USP40: variants seen among roughly 807,000 people sequenced by gnomAD.
USP40 encodes ubiquitin specific peptidase 40, also known as ubiquitin carboxyl-terminal hydrolase 40.
Under a neutral mutation model 166.2 loss-of-function variants are expected in USP40, and 143 were observed. The observed-to-expected ratio is 0.86, with a 90% CI of 0.75 to 0.99. The LOEUF is 0.99. Ranked by LOEUF, USP40 falls within the 50% of genes least tolerant of loss-of-function variation. The pLI is 0.00. For missense variants in USP40, 1,444 were observed against 1,479.7 expected (o/e 0.98, Z 0.40); for synonymous variants, 498 against 524.0 (o/e 0.95, Z 0.68).
chr2:233,527,886 T>C (rs978091669), intron 12 of USP40, among the ~76,000 whole-genome samples: 7 of 152,022 alleles, frequency 4.6e-5, no homozygotes, highest in Non-Finnish European at 8.8e-5. Flanking sequence ...AACAAAATGC[T>C]AGAGACCTGC....
At chr2:233,489,871 C>T (rs904196326) in intron 26 of USP40, 5 of 166,940 alleles carry the variant, frequency 3.0e-5, no homozygotes, top group Middle Eastern at 2.7e-3. Context: ...CTTCCGTGCC[C>T]GCGCAATCCT....
rs765363341 is a variant in USP40, at chr2:233,528,394, C to T, written c.1554-816G>A. On this transcript the variant is annotated intron_variant, in intron 12 of 31. Coordinates refer to ENST00000678225, the MANE Select transcript of USP40 (RefSeq NM_001365479.2). ...CTTCTCTGAATCCACTTGGCTGACT[C>T]GAAGCCAGTGCGAAACACAGGTAGG... Among the ~76,000 whole-genome samples the T allele has an allele frequency of 2.9e-4, 44 of 152,040 alleles. 1 individual carries two copies. The highest frequency in any genetic ancestry group is 1.0e-4 in the Non-Finnish European group (7 of 68,002).
intron 7 of USP40, among the ~76,000 whole-genome samples, chr2:233,549,506 C>T (rs1463220666): frequency 6.6e-6 from 1 of 152,094 alleles, no homozygotes; most frequent in Non-Finnish European, 1.5e-5. Flanking sequence ...TGGCTAAGAT[C>T]ATGTAAGCCA....
chr2:233,498,835 C>T (rs1331525988), intron 22 of USP40, among the ~76,000 whole-genome samples: 1 of 152,144 alleles, frequency 6.6e-6, no homozygotes, highest in African/African-American at 2.4e-5. Context: ...TGGAAAGTTG[C>T]TTCAGTTATC....
intron 18 of USP40, among the ~76,000 whole-genome samples, chr2:233,516,981 T>A (rs902326783): frequency 3.3e-5 from 5 of 152,230 alleles, no homozygotes; most frequent in African/African-American, 1.2e-4. Flanking sequence ...TGTACAGGTC[T>A]TGCACATATT....
intron 30 of USP40, 27 bp from the exon 31 acceptor site, chr2:233,481,324 G>A (rs1158812229): frequency 8.3e-6 from 13 of 1,560,528 alleles, no homozygotes; most frequent in Non-Finnish European, 1.0e-5. Flanking sequence ...GTAATGAGCA[G>A]TGTTTTCTGA....
intron 26 of USP40, among the ~76,000 whole-genome samples, chr2:233,490,204 C>G (rs1172013079): frequency 2.1e-5 from 3 of 141,598 alleles, no homozygotes; most frequent in Non-Finnish European, 3.0e-5. Context: ...CACTCTGTCA[C>G]CCAGCCTGAA....
chr2:233,534,043 G>C (rs2068758582), intron 10 of USP40, among the ~76,000 whole-genome samples: 1 of 152,130 alleles, frequency 6.6e-6, no homozygotes, highest in Non-Finnish European at 1.5e-5. Context: ...CACCTCACTA[G>C]TGCTGTTTAA....
chr2:233,534,762 T>A (rs2068820646), intron 10 of USP40, among the ~76,000 whole-genome samples: 1 of 152,166 alleles, frequency 6.6e-6, no homozygotes, highest in African/African-American at 2.4e-5. Context: ...TTTCTTTTCA[T>A]TTTTTGTTCT....
At chr2:233,554,148 C>T (rs79181235) in intron 6 of USP40, among the ~76,000 whole-genome samples, 211 of 152,228 alleles carry the variant, frequency 1.4e-3, no homozygotes, top group Non-Finnish European at 2.0e-3. Flanking sequence ...ACTTACGAAA[C>T]ACTGAGGTAC....
In USP40 at chr2:233,540,655, G is replaced by A; in HGVS notation, c.1170+7C>T. 1 of 1,591,790 alleles carries A rather than the reference G, an allele frequency of 6.3e-7. No individual in the cohort carries two copies. The highest frequency in any genetic ancestry group is 8.6e-7 in the Non-Finnish European group (1 of 1,162,434). ...CTAGGACTTCCCAAAACGATGCCAT[G>A]TATTACCTTCCGCAGTGGTCCATGC... On this transcript the variant is annotated splice_region_variant and intron_variant, in intron 10 of 31. Transcript: ENST00000678225.
intron 6 of USP40, among the ~76,000 whole-genome samples, chr2:233,553,971 T>C (rs542324451): frequency 4.5e-4 from 69 of 152,182 alleles, no homozygotes; most frequent in African/African-American, 1.6e-3. Context: ...TTTGCCAGAG[T>C]GAGGAAGAAC....
intron 3 of USP40, chr2:233,561,069 T>G (rs1485737462): frequency 3.6e-6 from 5 of 1,371,100 alleles, no homozygotes; most frequent in South Asian, 1.2e-5. Flanking sequence ...ATTAATAAAA[T>G]TATTGCTTTG....
Position 233,525,528 on chromosome 2 carries a change from C to T in USP40, c.1760G>A (p.Ser587Asn). 6.2e-7 allele frequency: 1 copy of T among 1,613,078 alleles called. No homozygotes were observed. Among genetic ancestry groups the T allele is most frequent in the South Asian group, 1.1e-5 (1 of 90,868 alleles). ...TCCTGCTGGTACAAGCTTTGCAACA[C>T]TAAGAACCATGTCTCCTTCCCAAAA... ...LEFWEGDMVLSVAKLVPAGLH... is the reference protein window; with the variant it reads ...LEFWEGDMVLNVAKLVPAGLH... The change falls in exon 14 of 32, where the codon AGT (serine) becomes AAT (asparagine). Residue 587 changes from serine (S) to asparagine (N), a missense_variant. Ser to Asn is a conservative substitution (Grantham distance 46, BLOSUM62 1). Coordinates refer to ENST00000678225, the MANE Select transcript of USP40 (RefSeq NM_001365479.2).
chr2:233,479,724 G>A (rs537339723), intron 31 of USP40, among the ~76,000 whole-genome samples: 2 of 151,722 alleles, frequency 1.3e-5, no homozygotes, highest in Admixed American at 6.6e-5. Flanking sequence ...CATATCCCAG[G>A]TCTCTGAGGG....
chr2:233,479,628 C>CGTGTGTGTGTGTGT (rs72454809), intron 31 of USP40, among the ~76,000 whole-genome samples: 24 of 145,500 alleles, frequency 1.6e-4, no homozygotes, highest in African/African-American at 3.3e-4. Context: ...TAGAATTTTA[C>CGTGTGTGTGTGTGT]GTGTGTGTGT....
rs7561012 is a variant in USP40 at position 233,494,920 on chromosome 2, A to T, written c.2791-1369T>A. Among the ~76,000 whole-genome samples the T allele has an allele frequency of 3.6e-3, 41 of 11,502 alleles. 1 individual carries two copies. The highest frequency in any genetic ancestry group is 0.011 in the African/African-American group (32 of 3,014). 7.5% of individuals were successfully genotyped at this position (11,502 alleles called of 152,430 possible). A position where few individuals can be genotyped will look rare whatever the true frequency, so the allele number is the denominator to read the frequency against. On this transcript the variant is annotated intron_variant, in intron 24 of 31. Coordinates refer to ENST00000678225, the MANE Select transcript of USP40 (RefSeq NM_001365479.2). ...CTCATATACAAGCAAAATGGCATATATATATATATATATATATATATATAT... is the reference window on the plus strand; with the variant it reads ...CTCATATACAAGCAAAATGGCATATTTATATATATATATATATATATATAT...
intron 31 of USP40, 75 bp from the exon 32 acceptor site, chr2:233,477,578 A>G: frequency 8.1e-7 from 1 of 1,228,384 alleles, no homozygotes; most frequent in Non-Finnish European, 1.2e-6. Flanking sequence ...GAAGACCCCA[A>G]AATACACTCC....
rs1188537272 is a variant in USP40 at position 233,477,442 on chromosome 2, G to C, written c.3661C>G (p.Pro1221Ala). The C allele has an allele frequency of 6.2e-7, 1 of 1,613,818 alleles. No individual in the cohort carries two copies. Among genetic ancestry groups the C allele is most frequent in the Admixed American group, 1.7e-5 (1 of 60,030 alleles). The change falls in exon 32 of 32, where the codon CCC (proline) becomes GCC (alanine). Residue 1221 changes from proline (P) to alanine (A), a missense_variant. Pro to Ala is a conservative substitution (Grantham distance 27). Coordinates refer to ENST00000678225, the MANE Select transcript of USP40 (RefSeq NM_001365479.2). ...GAGAGAGAAGTTTCCGGGGCTCGGGGCCGGGCAGGCGTCTCTGCACTGGAG... is the reference window on the plus strand; with the variant it reads ...GAGAGAGAAGTTTCCGGGGCTCGGGCCCGGGCAGGCGTCTCTGCACTGGAG... ...ILSSAETPAR[P>A]RAPETSLSIH...
Sources: gnomAD v4.1 joint callset for allele counts (sites outside exome capture counted in the v4.1 genomes callset) on GRCh38, gnomAD v4.1.1 for gene constraint, MANE v1.5 for transcripts, NCBI Gene and HGNC (gene_info 2026-07-23, HGNC 2026-07-21) for gene names.